Variants in ZNF469 observed in about 807,000 individuals in gnomAD.
ZNF469 encodes zinc finger protein 469.
In ZNF469, 1 loss-of-function variant was observed where a neutral mutation model predicts 1.0. The observed-to-expected ratio is 1.00, with a 90% CI of 0.35 to 4.73. The LOEUF (loss-of-function observed/expected upper bound fraction) is 4.73. Ranked by LOEUF, ZNF469 falls within the 30% of genes most tolerant of loss-of-function variation. The pLI is 0.16. For synonymous variants in ZNF469, 2,703 were observed against 2,363.4 expected (o/e 1.14, Z -4.17); for missense variants, 6,100 against 5,356.3 (o/e 1.14, Z -4.33).
chr16:88,300,760 G>A, the ZNF469 span, among the ~76,000 whole-genome samples: 1 of 152,154 alleles, frequency 6.6e-6, no homozygotes, highest in South Asian at 2.1e-4. Context: ...CTAAGAGCCC[G>A]TTCTCAGAGC....
chr16:88,411,561 G>A (rs1263653188), intron 1 of ZNF469, among the ~76,000 whole-genome samples: 1 of 144,246 alleles, frequency 6.9e-6, no homozygotes, highest in African/African-American at 2.6e-5. Flanking sequence ...TCTCCCGCAT[G>A]GCTGCAGCCT....
the ZNF469 span, among the ~76,000 whole-genome samples, chr16:88,279,842 GTGC>G: frequency 2.1e-5 from 3 of 144,606 alleles, no homozygotes; most frequent in African/African-American, 2.6e-5. Context: ...GGTTAGTGCT[GTGC>G]CATGCTGACA....
At chr16:88,252,883 G>T in the ZNF469 span, among the ~76,000 whole-genome samples, 1 of 152,128 alleles carries the variant, frequency 6.6e-6, no homozygotes, top group African/African-American at 2.4e-5. Flanking sequence ...TCTCCCAGAG[G>T]CAGCCACTCT....
the ZNF469 span, among the ~76,000 whole-genome samples, chr16:88,240,993 G>A: frequency 6.6e-6 from 1 of 152,150 alleles, no homozygotes; most frequent in African/African-American, 2.4e-5. Flanking sequence ...GCTGCCAGGA[G>A]GGCCGCCCAC....
the ZNF469 span, among the ~76,000 whole-genome samples, chr16:88,121,984 C>T: frequency 6.7e-6 from 1 of 149,212 alleles, no homozygotes; most frequent in Non-Finnish European, 1.5e-5. Flanking sequence ...AGTGTAGACA[C>T]TCCGTCACTC....
At chr16:88,198,825 C>A in the ZNF469 span, among the ~76,000 whole-genome samples, 5 of 152,318 alleles carry the variant, frequency 3.3e-5, no homozygotes, top group East Asian at 7.7e-4. Context: ...CTGCTGGTCA[C>A]GCCGGGACGT....
chr16:88,330,493 G>A, the ZNF469 span, among the ~76,000 whole-genome samples: 7 of 152,350 alleles, frequency 4.6e-5, no homozygotes, highest in South Asian at 4.1e-4. Flanking sequence ...GTTCTCATGC[G>A]TGAGCAACAG....
chr16:88,145,199 C>T, the ZNF469 span, among the ~76,000 whole-genome samples: 2 of 152,140 alleles, frequency 1.3e-5, no homozygotes, highest in African/African-American at 4.8e-5. Context: ...ACCTTAAGTC[C>T]CAGGGAAGGG....
At chr16:88,420,196 C>T (rs1021678461) in intron 1 of ZNF469, among the ~76,000 whole-genome samples, 3 of 152,234 alleles carry the variant, frequency 2.0e-5, no homozygotes, top group Non-Finnish European at 4.4e-5. Context: ...TTCCGCTCTC[C>T]CCACAGAGGG....
chr16:88,233,105 G>A, the ZNF469 span, among the ~76,000 whole-genome samples: 6 of 152,310 alleles, frequency 3.9e-5, no homozygotes, highest in Middle Eastern at 6.8e-3. Flanking sequence ...CGAGGCTTCC[G>A]AAAGACTCAC....
At chr16:88,380,835 C>G (rs1445945422), upstream of ZNF469, among the ~76,000 whole-genome samples, 2 of 149,420 alleles carry the variant, frequency 1.3e-5, no homozygotes, top group Non-Finnish European at 3.0e-5. Context: ...CACACACGCA[C>G]TCACACAGAC....
At chr16:88,372,273 C>A in the ZNF469 span, among the ~76,000 whole-genome samples, 3 of 152,206 alleles carry the variant, frequency 2.0e-5, no homozygotes, top group African/African-American at 7.2e-5. Context: ...TCACCATCAC[C>A]ATCATCACCA....
the ZNF469 span, among the ~76,000 whole-genome samples, chr16:88,246,546 A>C: frequency 1.3e-5 from 2 of 152,234 alleles, no homozygotes; most frequent in Non-Finnish European, 2.9e-5. Context: ...CTGCATTAGA[A>C]TCGCCAAGAG....
intron 1 of ZNF469, among the ~76,000 whole-genome samples, chr16:88,395,565 A>G (rs540224831): frequency 7.2e-5 from 11 of 152,248 alleles, no homozygotes; most frequent in Non-Finnish European, 1.5e-4. Flanking sequence ...ATGACATACT[A>G]GGCACCATGC....
At chr16:88,405,909 C>T (rs1046820362) in intron 1 of ZNF469, among the ~76,000 whole-genome samples, 7 of 152,232 alleles carry the variant, frequency 4.6e-5, no homozygotes, top group African/African-American at 1.4e-4. Flanking sequence ...TCCTCCCGAC[C>T]CCCGCCCCCA....
At chr16:88,378,638 C>A (rs1316513458), upstream of ZNF469, among the ~76,000 whole-genome samples, 3 of 152,198 alleles carry the variant, frequency 2.0e-5, no homozygotes, top group Non-Finnish European at 2.9e-5. Flanking sequence ...TCGGGGCCCC[C>A]AAAGCTGCTC....
the ZNF469 span, among the ~76,000 whole-genome samples, chr16:88,161,692 G>C: frequency 6.6e-6 from 1 of 152,022 alleles, no homozygotes; most frequent in Non-Finnish European, 1.5e-5. Context: ...TGTTGTGCCA[G>C]AAAACATCAG....
chr16:88,250,135 C>G, the ZNF469 span, among the ~76,000 whole-genome samples: 2 of 152,336 alleles, frequency 1.3e-5, no homozygotes, highest in Admixed American at 6.5e-5. Context: ...TTTCACAAAA[C>G]AAAGCCACCA....
At chr16:88,166,049 C>G in the ZNF469 span, among the ~76,000 whole-genome samples, 1 of 152,266 alleles carries the variant, frequency 6.6e-6, no homozygotes, top group Non-Finnish European at 1.5e-5. This position sits in a 1 kb window ranked among gnomAD's most constrained non-coding sequence, Gnocchi z 4.5. Context: ...CTGAGGCCCA[C>G]GCCAGTGAGG....
Sources: allele counts gnomAD v4.1 joint callset (sites outside exome capture counted in the v4.1 genomes callset), GRCh38; gene constraint gnomAD v4.1.1; non-coding constraint Gnocchi (gnomAD v3.1); transcripts MANE v1.5; gene names NCBI Gene and HGNC (gene_info 2026-07-23, HGNC 2026-07-21).